FHIT: variants seen among roughly 807,000 people sequenced by gnomAD.
The protein encoded by FHIT is fragile histidine triad diadenosine triphosphatase, also known as bis(5'-adenosyl)-triphosphatase.
A neutral mutation model predicts 17.9 loss-of-function variants in FHIT; 19 were observed. The ratio of observed to expected loss-of-function variants is 1.06; its 90% confidence interval spans 0.74 to 1.56. The LOEUF is 1.56. Ranked by LOEUF, FHIT falls within the 40% of genes most tolerant of loss-of-function variation. The pLI is 0.00. For synonymous variants in FHIT, 81 were observed against 69.7 expected, an observed-to-expected ratio of 1.16 and a Z score of -0.81; for missense variants, 248 against 189.2, an observed-to-expected ratio of 1.31 and a Z score of -1.82.
chr3:60,984,326 GTTC>G (rs1039251588), intron 3 of FHIT, among the ~76,000 whole-genome samples: 1 of 152,206 alleles, frequency 6.6e-6, no homozygotes, highest in Non-Finnish European at 1.5e-5. Flanking sequence ...ATCTGCTAAT[GTTC>G]TTCTTAAGCT....
At chr3:61,201,837 A>G (rs977964196) in intron 1 of FHIT, among the ~76,000 whole-genome samples, 25 of 152,292 alleles carry the variant, frequency 1.6e-4, no homozygotes, top group Non-Finnish European at 3.5e-4. Flanking sequence ...TGTGAAATCT[A>G]AGAGATGAAT....
chr3:59,786,228 G>A (rs990333101), intron 8 of FHIT, among the ~76,000 whole-genome samples: 2 of 152,138 alleles, frequency 1.3e-5, no homozygotes, highest in Non-Finnish European at 2.9e-5. Context: ...AGAGACAAAA[G>A]AGTTAATAAT....
At chr3:60,110,464 A>G (rs1257157726) in intron 5 of FHIT, among the ~76,000 whole-genome samples, 2 of 152,188 alleles carry the variant, frequency 1.3e-5, no homozygotes, top group East Asian at 1.9e-4. Flanking sequence ...TTCTCACCCT[A>G]ATGAATCCAA....
intron 5 of FHIT, among the ~76,000 whole-genome samples, chr3:60,158,446 G>C (rs376059396): frequency 1.3e-5 from 2 of 151,906 alleles, no homozygotes; most frequent in African/African-American, 4.8e-5. Flanking sequence ...TGAGTAACTA[G>C]GATTACAGGC....
chr3:61,191,284 A>C (rs1004131219), intron 2 of FHIT, among the ~76,000 whole-genome samples: 1 of 152,046 alleles, frequency 6.6e-6, no homozygotes, highest in African/African-American at 2.4e-5. Context: ...AACAGAAGAA[A>C]AGGAGGAGAA....
At chr3:60,455,313 C>T (rs2032019780) in intron 5 of FHIT, among the ~76,000 whole-genome samples, 1 of 152,118 alleles carries the variant, frequency 6.6e-6, no homozygotes, top group African/African-American at 2.4e-5. Context: ...AACAAGGGCC[C>T]TCATCCATTA....
chr3:60,118,563 T>C (rs1240403855), intron 5 of FHIT, among the ~76,000 whole-genome samples: 1 of 152,050 alleles, frequency 6.6e-6, no homozygotes, highest in African/African-American at 2.4e-5. Flanking sequence ...TTTCTTCAAT[T>C]ACTTTAGAAT....
intron 8 of FHIT, among the ~76,000 whole-genome samples, chr3:59,830,886 A>C (rs1004639086): frequency 6.6e-6 from 1 of 152,216 alleles, no homozygotes; most frequent in Non-Finnish European, 1.5e-5. Context: ...TGTGGACTCA[A>C]GGCTGACTGC....
chr3:60,776,504 T>C (rs546503757), intron 4 of FHIT, among the ~76,000 whole-genome samples: 1 of 152,324 alleles, frequency 6.6e-6, no homozygotes, highest in East Asian at 1.9e-4. Flanking sequence ...GGCTAAATAA[T>C]GCAGGTCAGA....
intron 5 of FHIT, among the ~76,000 whole-genome samples, chr3:60,226,086 A>G (rs1704185725): frequency 1.3e-5 from 2 of 152,126 alleles, no homozygotes; most frequent in Admixed American, 6.5e-5. Flanking sequence ...GATGTTAACA[A>G]ATGGTCTCAG....
At chr3:60,004,647 T>C (rs1205021527) in intron 7 of FHIT, among the ~76,000 whole-genome samples, 1 of 152,164 alleles carries the variant, frequency 6.6e-6, no homozygotes, top group Non-Finnish European at 1.5e-5. Context: ...ACATATTTCT[T>C]TAGGAACAGC....
intron 8 of FHIT, among the ~76,000 whole-genome samples, chr3:59,830,434 T>G (rs187970750): frequency 6.6e-6 from 1 of 152,196 alleles, no homozygotes; most frequent in Non-Finnish European, 1.5e-5. Flanking sequence ...TAATGCTAAG[T>G]AGATGTATAA....
intron 4 of FHIT, among the ~76,000 whole-genome samples, chr3:60,696,026 T>C (rs782018004): frequency 1.3e-5 from 2 of 152,144 alleles, no homozygotes; most frequent in African/African-American, 2.4e-5. Flanking sequence ...CCACTCTGTA[T>C]GCAAACAAAG....
chr3:60,585,279 T>C (rs782517940), intron 4 of FHIT, among the ~76,000 whole-genome samples: 1 of 152,010 alleles, frequency 6.6e-6, no homozygotes, highest in Non-Finnish European at 1.5e-5. Context: ...AACACATTCA[T>C]GCGTAATCAG....
At chr3:60,226,739 G>C (rs1365766018) in intron 5 of FHIT, among the ~76,000 whole-genome samples, 3 of 152,120 alleles carry the variant, frequency 2.0e-5, no homozygotes, top group Non-Finnish European at 4.4e-5. Context: ...TGTGTCTAGG[G>C]ATAAGAATGA....
intron 8 of FHIT, among the ~76,000 whole-genome samples, chr3:59,858,187 C>G (rs1702251497): frequency 6.7e-6 from 1 of 149,498 alleles, no homozygotes; most frequent in African/African-American, 2.5e-5. Flanking sequence ...CCCACATCAT[C>G]TATCAGCAAA....
At chr3:61,058,847 A>T (rs1176091190) in intron 2 of FHIT, among the ~76,000 whole-genome samples, 1 of 152,206 alleles carries the variant, frequency 6.6e-6, no homozygotes. Context: ...TTACAAATAA[A>T]CAATGTCCAG....
intron 3 of FHIT, among the ~76,000 whole-genome samples, chr3:60,842,643 A>ATTT (rs1390675032): frequency 4.1e-5 from 2 of 48,256 alleles, no homozygotes; most frequent in African/African-American, 1.1e-4. Flanking sequence ...ATATATATAT[A>ATTT]TATTTTTTTT....
intron 5 of FHIT, among the ~76,000 whole-genome samples, chr3:60,141,113 G>A (rs563989221): frequency 6.6e-6 from 1 of 152,142 alleles, no homozygotes; most frequent in Non-Finnish European, 1.5e-5. Flanking sequence ...CAATCTGTCA[G>A]TCATCTACTG....
Sources: gnomAD v4.1 joint callset for allele counts (sites outside exome capture counted in the v4.1 genomes callset) on GRCh38, gnomAD v4.1.1 for gene constraint, MANE v1.5 for transcripts, NCBI Gene and HGNC (gene_info 2026-07-23, HGNC 2026-07-21) for gene names.